Variants in TMEM273 observed in about 807,000 individuals in gnomAD.
TMEM273 encodes chromosome 10 open reading frame 128.
In TMEM273, 19 loss-of-function variants were observed where a neutral mutation model predicts 17.9. The observed-to-expected ratio is 1.06, with a 90% CI of 0.74 to 1.55. The LOEUF is 1.55. Ranked by LOEUF, TMEM273 falls within the 40% of genes most tolerant of loss-of-function variation. The pLI is 0.00. For missense variants in TMEM273, 194 were observed against 155.6 expected (o/e 1.25, Z -1.31); for synonymous variants, 66 against 62.0 (o/e 1.07, Z -0.31).
At chr10:49,170,117 A>G (rs931849440) in intron 1 of TMEM273, among the ~76,000 whole-genome samples, 2 of 152,250 alleles carry the variant, frequency 1.3e-5, no homozygotes, top group African/African-American at 4.8e-5. Flanking sequence ...AAATCCGAGC[A>G]GAGAGGAAGG....
intron 3 of TMEM273, 117 bp downstream of exon 3, chr10:49,166,752 T>C (rs1423793312): frequency 2.7e-6 from 4 of 1,483,966 alleles, no homozygotes; most frequent in Non-Finnish European, 9.3e-7. Context: ...TGCCTTCCTT[T>C]ACAGCCTGTT....
chr10:49,172,595 G>C (rs1177031705), intron 1 of TMEM273, among the ~76,000 whole-genome samples: 1 of 152,184 alleles, frequency 6.6e-6, no homozygotes, highest in Non-Finnish European at 1.5e-5. Flanking sequence ...ACCTCATGAT[G>C]GGTAGGAGGG....
chr10:49,175,904 G>A (rs1461411291), intron 1 of TMEM273, among the ~76,000 whole-genome samples: 3 of 152,180 alleles, frequency 2.0e-5, no homozygotes, highest in East Asian at 1.9e-4. Flanking sequence ...CCCCACAGCC[G>A]GACACCCAGC....
intron 6 of TMEM273, chr10:49,156,142 A>G: frequency 3.9e-6 from 6 of 1,531,802 alleles, no homozygotes; most frequent in Non-Finnish European, 2.6e-6. Context: ...CCCAAGGCAA[A>G]CAAAACTTCA....
intron 1 of TMEM273, chr10:49,178,504 G>T (rs1469535699): frequency 9.1e-6 from 3 of 330,690 alleles, no homozygotes; most frequent in African/African-American, 2.2e-5. Flanking sequence ...CATGTGAGGA[G>T]GCTGGACAGT....
intron 3 of TMEM273, 22 bp downstream of exon 3, chr10:49,166,847 G>A (rs933031582): frequency 6.2e-7 from 1 of 1,612,522 alleles, no homozygotes. Context: ...GCAGAGCCAG[G>A]CCCGAGCACC....
chr10:49,185,700 C>T (rs1270466004), intron 1 of TMEM273, among the ~76,000 whole-genome samples: 1 of 152,020 alleles, frequency 6.6e-6, no homozygotes, highest in East Asian at 1.9e-4. Context: ...AAAGGATAGC[C>T]GGGCACGGTG....
intron 2 of TMEM273, 32 bp downstream of exon 2, chr10:49,167,877 C>T: frequency 2.5e-6 from 4 of 1,613,146 alleles, no homozygotes; most frequent in Non-Finnish European, 3.4e-6. Context: ...GCCCCTGACC[C>T]TGTGCACAGA....
intron 5 of TMEM273, among the ~76,000 whole-genome samples, chr10:49,162,838 G>T (rs992004419): frequency 2.6e-5 from 4 of 152,176 alleles, no homozygotes; most frequent in African/African-American, 9.7e-5. Flanking sequence ...GGCAACAAAG[G>T]TTCTAGGAAG....
At chr10:49,184,700 G>C (rs184298575) in intron 1 of TMEM273, among the ~76,000 whole-genome samples, 60 of 152,316 alleles carry the variant, frequency 3.9e-4, no homozygotes, top group African/African-American at 1.3e-3. Flanking sequence ...AGAGCAATTT[G>C]GCAATATCCA....
At chr10:49,165,832 G>C (rs374736423) in intron 3 of TMEM273, 36 bp from the exon 4 acceptor site, 1 of 1,613,606 alleles carries the variant, frequency 6.2e-7, no homozygotes, top group Admixed American at 1.7e-5. Flanking sequence ...GAAGGGGGTC[G>C]TGTGACAAGA....
chr10:49,180,780 G>T (rs1847295589), intron 1 of TMEM273, among the ~76,000 whole-genome samples: 1 of 152,120 alleles, frequency 6.6e-6, no homozygotes. Flanking sequence ...ACTTCACAAA[G>T]AATATCTGCA....
chr10:49,161,663 A>T (rs966384863), intron 5 of TMEM273, 41 bp from the exon 6 acceptor site: 1 of 1,613,888 alleles, frequency 6.2e-7, no homozygotes, highest in Non-Finnish European at 8.5e-7. Flanking sequence ...CCTAAGCCTT[A>T]GAAGCCAGAA....
chr10:49,155,794 A>G lies in TMEM273; in HGVS notation c.*98T>C. ...TCAGTCCATGTGAAAGTTCATTACC[A>G]GCCTTGGGTGTTTGAATGCAGAACA... On this transcript the variant is annotated 3_prime_UTR_variant, in exon 7 of 7. Transcript: ENST00000374153. The G allele has an allele frequency of 6.3e-7, 1 of 1,576,062 alleles. No homozygotes were observed.
At chr10:49,163,349 T>C (rs1401160186) in intron 5 of TMEM273, among the ~76,000 whole-genome samples, 2 of 152,088 alleles carry the variant, frequency 1.3e-5, no homozygotes, top group African/African-American at 2.4e-5. Context: ...ATGGCATCTC[T>C]GGTCCCTCAA....
chr10:49,171,988 C>T (rs4838464), intron 1 of TMEM273, among the ~76,000 whole-genome samples: 34,079 of 152,132 alleles, frequency 0.22, 3,901 homozygotes, highest in Middle Eastern at 0.29. Context: ...AGTAGGCGTG[C>T]GTGCACTCAG....
chr10:49,180,195 C>T (rs997401799), intron 1 of TMEM273, among the ~76,000 whole-genome samples: 6 of 152,194 alleles, frequency 3.9e-5, no homozygotes, highest in Non-Finnish European at 7.3e-5. Flanking sequence ...CCAGCCACCA[C>T]GAGGCTACCC....
chr10:49,173,269 G>A (rs1036700648), intron 1 of TMEM273, among the ~76,000 whole-genome samples: 9 of 152,156 alleles, frequency 5.9e-5, no homozygotes, highest in African/African-American at 2.2e-4. Context: ...ATCTGAGCTC[G>A]GTAACTGTCA....
chr10:49,172,373 C>T (rs1846633514), intron 1 of TMEM273, among the ~76,000 whole-genome samples: 1 of 152,144 alleles, frequency 6.6e-6, no homozygotes, highest in African/African-American at 2.4e-5. Flanking sequence ...TCAGCGCCTT[C>T]CCCAAGCCTC....
Sources: allele counts gnomAD v4.1 joint callset (sites outside exome capture counted in the v4.1 genomes callset), GRCh38; gene constraint gnomAD v4.1.1; transcripts MANE v1.5; gene names NCBI Gene and HGNC (gene_info 2026-07-23, HGNC 2026-07-21).